RELN: variants seen among roughly 807,000 people sequenced by gnomAD.
The protein encoded by RELN is reelin.
A neutral mutation model predicts 427.6 loss-of-function variants in RELN; 108 were observed. The observed-to-expected ratio is 0.25, with a 90% confidence interval of 0.22 to 0.30. RELN has a LOEUF of 0.30. RELN is among the 10% of genes least tolerant of loss of function. RELN has a pLI of 1.00. For missense variants in RELN, 3,715 were observed against 4,302.8 expected (o/e 0.86, Z 3.82); for synonymous variants, 1,524 against 1,513.4 (o/e 1.01, Z -0.16).
intron 8 of RELN, among the ~76,000 whole-genome samples, chr7:103,707,779 G>C (rs1030596741): frequency 6.6e-6 from 1 of 152,050 alleles, no homozygotes; most frequent in Non-Finnish European, 1.5e-5. Context: ...TTACAGGCAC[G>C]AGCCACCACG....
chr7:103,693,545 T>TA (rs11321258), intron 10 of RELN, among the ~76,000 whole-genome samples: 10,953 of 133,998 alleles, frequency 0.082, 456 homozygotes, highest in African/African-American at 0.11. Flanking sequence ...TCCAGCAAAA[T>TA]AAAAAAAAAA....
intron 3 of RELN, among the ~76,000 whole-genome samples, chr7:103,804,704 T>C (rs1371768044): frequency 2.0e-5 from 3 of 152,158 alleles, no homozygotes; most frequent in Non-Finnish European, 4.4e-5. Flanking sequence ...TAAGAAATAA[T>C]GTAGAAAATA....
intron 28 of RELN, among the ~76,000 whole-genome samples, chr7:103,580,137 G>A (rs1484051397): frequency 1.3e-5 from 2 of 152,182 alleles, no homozygotes; most frequent in East Asian, 1.9e-4. Context: ...CAATTTTCTT[G>A]TAACTATTAT....
intron 45 of RELN, 29 bp from the exon 46 acceptor site, chr7:103,535,513 A>G: frequency 6.3e-7 from 1 of 1,597,610 alleles, no homozygotes; most frequent in African/African-American, 1.3e-5. Flanking sequence ...TTTTGGATAT[A>G]AACACATATC....
chr7:103,695,334 A>G (rs773861883), intron 10 of RELN, among the ~76,000 whole-genome samples: 19 of 152,150 alleles, frequency 1.2e-4, no homozygotes, highest in Non-Finnish European at 2.4e-4. Context: ...GAAACATCAG[A>G]GAAAAATTTC....
chr7:103,561,425 A>ATAT (rs1468274745), intron 36 of RELN, 107 bp downstream of exon 36: 19 of 939,636 alleles, frequency 2.0e-5, no homozygotes, highest in Non-Finnish European at 3.0e-5. Context: ...TATGTATTAA[A>ATAT]TATTATGTCA....
intron 8 of RELN, among the ~76,000 whole-genome samples, chr7:103,714,572 A>T (rs985474995): frequency 5.3e-5 from 8 of 152,192 alleles, no homozygotes; most frequent in African/African-American, 1.9e-4. Context: ...CACCATGCAG[A>T]GCAGCTTCTG....
intron 2 of RELN, among the ~76,000 whole-genome samples, chr7:103,888,018 A>G (rs1478997693): frequency 1.3e-5 from 2 of 152,118 alleles, no homozygotes; most frequent in Non-Finnish European, 2.9e-5. Context: ...GTTAGTGAAG[A>G]AACAGTAACT....
At chr7:103,543,765 C>A (rs1013556582) in intron 42 of RELN, among the ~76,000 whole-genome samples, 1 of 152,108 alleles carries the variant, frequency 6.6e-6, no homozygotes, top group Non-Finnish European at 1.5e-5. Flanking sequence ...GTAAAATACA[C>A]ATCACATAAG....
chr7:103,797,587 T>C (rs1792340362), intron 3 of RELN, among the ~76,000 whole-genome samples: 1 of 152,244 alleles, frequency 6.6e-6, no homozygotes, highest in African/African-American at 2.4e-5. Flanking sequence ...TTTCTGATAA[T>C]ATCCTTTATC....
intron 1 of RELN, among the ~76,000 whole-genome samples, chr7:103,954,759 T>G (rs552224276): frequency 6.6e-6 from 1 of 152,334 alleles, no homozygotes; most frequent in Non-Finnish European, 1.5e-5. Flanking sequence ...GAACTGATTT[T>G]TGTATTCTGA....
chr7:103,946,777 T>C (rs536663567), intron 1 of RELN, among the ~76,000 whole-genome samples: 1 of 152,300 alleles, frequency 6.6e-6, no homozygotes, highest in African/African-American at 2.4e-5. Flanking sequence ...TTTGATGAAA[T>C]TCTTGACACA....
intron 3 of RELN, among the ~76,000 whole-genome samples, chr7:103,826,320 ATGTGTGTGTGTG>A (rs71154374): frequency 8.2e-5 from 10 of 121,970 alleles, no homozygotes; most frequent in South Asian, 2.3e-4. Context: ...GACTAAGACA[ATGTGTGTGTGTG>A]TGTGTGTGTG....
At chr7:103,987,059 C>T (rs1474722898) in intron 1 of RELN, among the ~76,000 whole-genome samples, 2 of 118,918 alleles carry the variant, frequency 1.7e-5, no homozygotes, top group Non-Finnish European at 3.2e-5. Context: ...TGTATTCTAC[C>T]TGTAGAACAT....
chr7:103,584,208 A>C (rs1241911148), intron 28 of RELN, among the ~76,000 whole-genome samples: 1 of 152,220 alleles, frequency 6.6e-6, no homozygotes, highest in African/African-American at 2.4e-5. Context: ...ACAGAATTTC[A>C]CATATCAGTA....
intron 8 of RELN, among the ~76,000 whole-genome samples, chr7:103,710,226 T>C (rs1354809580): frequency 6.6e-6 from 1 of 152,228 alleles, no homozygotes; most frequent in Non-Finnish European, 1.5e-5. Context: ...TGCAGTTGGT[T>C]AAGATCCTGT....
chr7:103,779,179 GAGA>G (rs1352888939), intron 3 of RELN, among the ~76,000 whole-genome samples: 1 of 151,976 alleles, frequency 6.6e-6, no homozygotes, highest in African/African-American at 2.4e-5. Flanking sequence ...TGAGAGTCAA[GAGA>G]AGGAGGGGCA....
intron 57 of RELN, among the ~76,000 whole-genome samples, chr7:103,492,867 A>G (rs1828716366): frequency 2.0e-5 from 3 of 152,172 alleles, no homozygotes; most frequent in Admixed American, 1.3e-4. Context: ...TATTTAGGTG[A>G]AAGAAAGAGT....
chr7:103,503,788 TA>T (rs1461199850), intron 51 of RELN, among the ~76,000 whole-genome samples: 1 of 149,790 alleles, frequency 6.7e-6, no homozygotes, highest in Non-Finnish European at 1.5e-5. Flanking sequence ...TTGGTTCACA[TA>T]AAATCTTGGC....
Sources: allele counts gnomAD v4.1 joint callset (sites outside exome capture counted in the v4.1 genomes callset), GRCh38; gene constraint gnomAD v4.1.1; transcripts MANE v1.5; gene names NCBI Gene and HGNC (gene_info 2026-07-23, HGNC 2026-07-21).